Variants in SPTBN1 observed in about 807,000 individuals in gnomAD.
SPTBN1 encodes spectrin beta, non-erythrocytic 1.
Under a neutral mutation model 266.4 loss-of-function variants are expected in SPTBN1, and 32 were observed. The observed-to-expected ratio is 0.12, with a 90% CI of 0.09 to 0.16. The LOEUF (loss-of-function observed/expected upper bound fraction) is 0.16. SPTBN1 is among the 10% of genes least tolerant of loss of function. The probability of loss-of-function intolerance (pLI) is 1.00; values close to 1 mark genes in which losing one functional copy is unlikely to be tolerated. For synonymous variants in SPTBN1, 1,336 were observed against 1,162.2 expected, an observed-to-expected ratio of 1.15 and a Z score of -3.04; for missense variants, 2,296 against 3,067.1, an observed-to-expected ratio of 0.75 and a Z score of 5.94.
chr2:54,532,808 C>T (rs537894697), intron 2 of SPTBN1, among the ~76,000 whole-genome samples: 18 of 152,268 alleles, frequency 1.2e-4, no homozygotes, highest in African/African-American at 4.3e-4. Context: ...TTAAAGACTA[C>T]GTCTTCCCCT....
intron 1 of SPTBN1, among the ~76,000 whole-genome samples, chr2:54,524,712 G>A (rs1053365389): frequency 6.6e-6 from 1 of 152,196 alleles, no homozygotes; most frequent in African/African-American, 2.4e-5. Context: ...CCACACTTGG[G>A]CTCGCCCACC....
chr2:54,654,326 G>A (rs1282903760), intron 27 of SPTBN1, among the ~76,000 whole-genome samples: 1 of 152,062 alleles, frequency 6.6e-6, no homozygotes, highest in Non-Finnish European at 1.5e-5. Context: ...CTTTAATATG[G>A]TGTCCTTGGG....
At position 54,647,141 on chromosome 2, in the gene SPTBN1, G is replaced by C; in HGVS notation, c.4877G>C (p.Ser1626Thr). 2 of 1,614,222 alleles carry C rather than the reference G, an allele frequency of 1.2e-6. No individual in the cohort carries two copies. Among genetic ancestry groups the C allele is most frequent in the Non-Finnish European group, 1.7e-6 (2 of 1,180,046 alleles). The change falls in exon 24 of 36, where the codon AGT becomes ACT. Residue 1626 changes from serine (S) to threonine (T), a missense_variant. By Grantham distance (58) the Ser-to-Thr change is moderately conservative. Transcript: ENST00000356805. ...MSEEKAKDEQ[S>T]AVSMLKKHQI... Reference sequence around the variant, plus strand: ...CTCCTGTCTTTGCAGGATGAGCAGAGTGCTGTCTCCATGTTGAAGAAGCAC... The same window carrying C: ...CTCCTGTCTTTGCAGGATGAGCAGACTGCTGTCTCCATGTTGAAGAAGCAC...
intron 7 of SPTBN1, among the ~76,000 whole-genome samples, chr2:54,621,087 GGGGGC>G (rs2103863410): frequency 6.6e-6 from 1 of 152,308 alleles, no homozygotes; most frequent in African/African-American, 2.4e-5. Context: ...CTGATTGACA[GGGGGC>G]GGTGCTGGTC....
At chr2:54,574,960 G>A (rs1280538645) in intron 2 of SPTBN1, among the ~76,000 whole-genome samples, 1 of 152,174 alleles carries the variant, frequency 6.6e-6, no homozygotes, top group Non-Finnish European at 1.5e-5. Flanking sequence ...AGGAACCTGA[G>A]GACCAGAAAG....
At chr2:54,475,340 C>T (rs1573224314) in intron 1 of SPTBN1, among the ~76,000 whole-genome samples, 1 of 152,182 alleles carries the variant, frequency 6.6e-6, no homozygotes, top group East Asian at 1.9e-4. Context: ...ATAATACTTC[C>T]ACATTCTTAC....
chr2:54,509,688 G>T (rs968949129), intron 1 of SPTBN1, among the ~76,000 whole-genome samples: 2 of 152,202 alleles, frequency 1.3e-5, no homozygotes, highest in African/African-American at 4.8e-5. Context: ...ACAGAAGGCA[G>T]CTTTAGGGTT....
intron 32 of SPTBN1, chr2:54,661,048 C>G (rs1282977132): frequency 1.0e-6 from 1 of 985,248 alleles, no homozygotes; most frequent in Non-Finnish European, 1.2e-6. Flanking sequence ...CGCTCGCATG[C>G]CCCCTGGCTT....
chr2:54,576,403 TG>T (rs1372238665), intron 2 of SPTBN1, among the ~76,000 whole-genome samples: 1 of 152,168 alleles, frequency 6.6e-6, no homozygotes, highest in Non-Finnish European at 1.5e-5. Flanking sequence ...AACTTAAAGC[TG>T]GAACGTTGAT....
intron 1 of SPTBN1, among the ~76,000 whole-genome samples, chr2:54,502,716 T>G (rs1304485336): frequency 1.3e-5 from 2 of 152,166 alleles, no homozygotes; most frequent in East Asian, 1.9e-4. Flanking sequence ...GTTTCTCCTT[T>G]TAGAATGGAC....
chr2:54,499,596 A>T (rs1199569351), intron 1 of SPTBN1, among the ~76,000 whole-genome samples: 2 of 152,266 alleles, frequency 1.3e-5, no homozygotes, highest in African/African-American at 4.8e-5. Context: ...CCAGCCACTG[A>T]CATAAGAAAA....
intron 1 of SPTBN1, among the ~76,000 whole-genome samples, chr2:54,479,558 C>G (rs571458024): frequency 6.6e-6 from 1 of 152,278 alleles, no homozygotes; most frequent in Non-Finnish European, 1.5e-5. Flanking sequence ...TGTACCAGTA[C>G]AGCAGGCATA....
intron 1 of SPTBN1, among the ~76,000 whole-genome samples, chr2:54,494,917 T>TA (rs66814543): frequency 8.1e-4 from 113 of 139,860 alleles, no homozygotes; most frequent in South Asian, 2.9e-3. Context: ...TGTTTTTTTT[T>TA]AAAAAAAAAA....
intron 9 of SPTBN1, among the ~76,000 whole-genome samples, chr2:54,622,899 A>G (rs1210820627): frequency 6.6e-6 from 1 of 152,254 alleles, no homozygotes; most frequent in Non-Finnish European, 1.5e-5. Context: ...CAAAATGTGT[A>G]AATATTCACA....
intron 2 of SPTBN1, among the ~76,000 whole-genome samples, chr2:54,571,320 T>C (rs1674049221): frequency 6.6e-6 from 1 of 152,130 alleles, no homozygotes. Flanking sequence ...TGAGCCTCAT[T>C]TTCTTCAGGG....
At chr2:54,529,321 A>G (rs754775141) in intron 2 of SPTBN1, 8 of 531,356 alleles carry the variant, frequency 1.5e-5, no homozygotes, top group Admixed American at 1.3e-4. Context: ...TACCTCAAAG[A>G]TACACTTGAG....
At chr2:54,470,033 A>G (rs1693842813) in intron 1 of SPTBN1, among the ~76,000 whole-genome samples, 2 of 152,224 alleles carry the variant, frequency 1.3e-5, no homozygotes, top group East Asian at 3.8e-4. Context: ...ACCCAGGGCT[A>G]AAGGAAATCC....
chr2:54,469,882 G>C (rs892054022), intron 1 of SPTBN1, among the ~76,000 whole-genome samples: 2 of 152,186 alleles, frequency 1.3e-5, no homozygotes, highest in Non-Finnish European at 2.9e-5. Context: ...TATCTCCTGG[G>C]GTGGAGTTGG....
In SPTBN1 at chr2:54,631,551, A is replaced by G. The variant is rs1460065270; in HGVS notation, c.3504A>G (p.Ser1168=). Residue 1168 remains serine (S), a synonymous_variant, in exon 16 of 36, where the codon TCA becomes TCG. Transcript: ENST00000356805. The part of the protein sequence containing the change: ...WENRQNLLSQ[S]HAYQQFLRDT... ...ACAGACAAAATCTCCTATCCCAGTC[A>G]CATGCCTACCAGCAGTTCCTCAGAG... The G allele has an allele frequency of 6.2e-7, 1 of 1,614,164 alleles. No individual in the cohort carries two copies. Among genetic ancestry groups the G allele is most frequent in the Non-Finnish European group, 8.5e-7 (1 of 1,180,040 alleles).
Sources: allele counts gnomAD v4.1 joint callset (sites outside exome capture counted in the v4.1 genomes callset), GRCh38; gene constraint gnomAD v4.1.1; transcripts MANE v1.5; gene names NCBI Gene and HGNC (gene_info 2026-07-23, HGNC 2026-07-21).